The following MYH7B variants were observed in gnomAD, a reference collection of about 807,000 sequenced individuals.
The protein encoded by MYH7B is myosin-7B.
A neutral mutation model predicts 234.5 loss-of-function variants in MYH7B; 205 were observed. The ratio of observed to expected loss-of-function variants is 0.87; its 90% CI spans 0.78 to 0.98. The LOEUF (loss-of-function observed/expected upper bound fraction) is 0.98, where lower values mean the gene tolerates loss of function less well. Among genes scored for constraint, MYH7B ranks in the 50% least tolerant of loss-of-function variants. The pLI, the probability that MYH7B is intolerant of heterozygous loss-of-function variation, is 0.00. For synonymous variants in MYH7B, 1,193 were observed against 1,105.0 expected (o/e 1.08, Z -1.58); for missense variants, 2,652 against 2,633.4 (o/e 1.01, Z -0.15).
intron 19 of MYH7B, 139 bp downstream of exon 19, chr20:34,988,401 T>G (rs1007123995): frequency 4.2e-6 from 4 of 963,752 alleles, no homozygotes; most frequent in East Asian, 5.3e-5. Flanking sequence ...AGCATGCATG[T>G]GAGTGTAGTT....
intron 35 of MYH7B, 59 bp from the exon 36 acceptor site, chr20:34,998,997 C>T (rs1037709992): frequency 8.9e-6 from 14 of 1,579,336 alleles, no homozygotes; most frequent in African/African-American, 1.3e-5. Context: ...GTGAAGGGAG[C>T]TGCTGGGGCT....
intron 2 of MYH7B, among the ~76,000 whole-genome samples, chr20:34,965,855 T>C (rs1463762173): frequency 6.6e-6 from 1 of 152,172 alleles, no homozygotes; most frequent in African/African-American, 2.4e-5. Flanking sequence ...AGAAGGCCAC[T>C]GTATCTGGAG....
exon 40 of MYH7B, chr20:35,000,866 G>A (rs767864995): frequency 9.3e-6 from 15 of 1,613,282 alleles, no homozygotes; most frequent in African/African-American, 1.3e-5. Context: ...GGGAGGCTGA[G>A]GAGAAGGCCA....
At chr20:34,984,645 C>G in intron 10 of MYH7B, 47 bp from the exon 11 acceptor site, 1 of 1,584,046 alleles carries the variant, frequency 6.3e-7, no homozygotes, top group South Asian at 1.1e-5. Context: ...CCCGCCCTTC[C>G]CCACCGGAGG....
chr20:34,967,795 G>A (rs2081756908), intron 2 of MYH7B, among the ~76,000 whole-genome samples: 1 of 152,148 alleles, frequency 6.6e-6, no homozygotes, highest in African/African-American at 2.4e-5. Flanking sequence ...GAACTACATG[G>A]GAAACTGACC....
Position 35,001,414 on chromosome 20 carries a change from C to T in MYH7B, c.5581-17C>T, listed in dbSNP as rs1054142439. 6.3e-7 allele frequency: 1 copy of T among 1,594,556 alleles called. No homozygotes were observed. The highest frequency in any genetic ancestry group is 1.3e-5 in the African/African-American group (1 of 74,636). On this transcript the variant is annotated splice_polypyrimidine_tract_variant and intron_variant, in intron 42 of 44. Coordinates refer to ENST00000262873, the Ensembl canonical transcript of MYH7B. ...GGCCCAGCCCAAGCAAGCCCTGAGT[C>T]CCCCTTGCCCGCCCAGGCCGAGGAG...
chr20:34,995,316 C>G lies in MYH7B; in HGVS notation c.2701-20C>G, dbSNP rs772010667. 9.3e-6 allele frequency: 15 copies of G among 1,607,792 alleles called. 1 individual carries two copies. The highest frequency in any genetic ancestry group is 6.7e-5 in the African/African-American group (5 of 74,848). ...TACCTGGCCCTCCCCCAACCTGGCC[C>G]CGTTCCGTGTGCCCTCCAGGAGCAG... On this transcript the variant is annotated intron_variant, in intron 27 of 44. Coordinates refer to ENST00000262873, the Ensembl canonical transcript of MYH7B.
chr20:34,958,648 G>T (rs546759997), intron 2 of MYH7B, among the ~76,000 whole-genome samples: 1 of 151,956 alleles, frequency 6.6e-6, no homozygotes, highest in East Asian at 1.9e-4. Flanking sequence ...GTATTTTTAG[G>T]AGAGACAGGG....
intron 2 of MYH7B, among the ~76,000 whole-genome samples, chr20:34,971,895 A>G (rs2081796540): frequency 6.6e-6 from 1 of 152,112 alleles, no homozygotes; most frequent in Non-Finnish European, 1.5e-5. Context: ...AGTCCAGCCC[A>G]CTACCCAGTC....
chr20:34,996,646 C>T lies in MYH7B; in HGVS notation c.3154C>T (p.Arg1052Cys), dbSNP rs762810135. 2.1e-5 allele frequency: 34 copies of T among 1,612,820 alleles called. No homozygotes were observed. The Admixed American group carries it at 3.5e-4, about 17-fold the overall frequency. Residue 1052 changes from arginine (R) to cysteine (C), a missense_variant, in exon 30 of 45, where the codon CGC becomes TGC. Coordinates refer to ENST00000262873, the Ensembl canonical transcript of MYH7B. ...CTCCCTGGAGCAGGAGAAGAAGCTG[C>T]GCATGGACACGGAGCGGGCCAAGCG...
intron 10 of MYH7B, among the ~76,000 whole-genome samples, chr20:34,983,417 CCTT>C (rs2081971920): frequency 6.6e-6 from 1 of 151,004 alleles, no homozygotes. Context: ...CCTTTTTCCT[CCTT>C]CCCTTTCCTG....
rs143552755 is a variant in MYH7B at position 34,990,171 on chromosome 20, C to T, written c.1900+25C>T. ...AGTGAGTATGGAGGGACAAGATCTC[C>T]ACTCTGACAGGGGCCCACAGAGCGA... is the stretch of plus-strand genomic sequence containing the variant. On this transcript the variant is annotated intron_variant, in intron 21 of 44. Coordinates refer to ENST00000262873, the Ensembl canonical transcript of MYH7B. 1.4e-4 allele frequency: 222 copies of T among 1,614,132 alleles called. 3 individuals carry two copies. In the African/African-American group the frequency reaches 2.4e-3, roughly 17 times the overall value.
intron 32 of MYH7B, among the ~76,000 whole-genome samples, chr20:34,998,025 A>T (rs2147234857): frequency 6.6e-6 from 1 of 152,138 alleles, no homozygotes; most frequent in Non-Finnish European, 1.5e-5. Context: ...CTGACCTCTG[A>T]CCATTGTCCC....
Position 34,978,573 on chromosome 20 carries a change from G to A in MYH7B, c.91+477G>A, listed in dbSNP as rs912584899. On this transcript the variant is annotated intron_variant, in intron 5 of 44. Coordinates refer to ENST00000262873, the Ensembl canonical transcript of MYH7B. Reference sequence around the variant, plus strand: ...ATACTAACAATAGGCAGTGTGTACCGAATGCTTATTGTGTGTCAGGCCCAG... The same window carrying A: ...ATACTAACAATAGGCAGTGTGTACCAAATGCTTATTGTGTGTCAGGCCCAG... 2.6e-5 allele frequency among the ~76,000 whole-genome samples: 4 copies of A among 152,148 alleles called. No individual in the cohort carries two copies. In the South Asian group the frequency reaches 6.2e-4, roughly 24 times the overall value.
intron 43 of MYH7B, 98 bp downstream of exon 43, chr20:35,001,624 G>C: frequency 9.3e-7 from 1 of 1,079,876 alleles, no homozygotes; most frequent in East Asian, 2.6e-5. Flanking sequence ...CACCCTCCAA[G>C]GTCAGTGACC....
At chr20:34,977,331 G>A (rs1044779440) in intron 3 of MYH7B, among the ~76,000 whole-genome samples, 2 of 151,912 alleles carry the variant, frequency 1.3e-5, no homozygotes. Context: ...CTGGAGGTGG[G>A]GTATTTTTCT....
At chr20:34,991,046 A>G (rs2082136872) in exon 24 of MYH7B, 4 of 1,613,736 alleles carry the variant, frequency 2.5e-6, no homozygotes, top group Admixed American at 1.7e-5. Context: ...CTGCGCTGCA[A>G]TGGGGTCCTG....
At chr20:35,002,282 C>T in exon 45 of MYH7B, 1 of 1,398,382 alleles carries the variant, frequency 7.2e-7, no homozygotes, top group East Asian at 2.4e-5. Flanking sequence ...GCATCGCCCC[C>T]TGCTGCCTTC....
chr20:34,973,948 G>A (rs192747227), intron 2 of MYH7B, among the ~76,000 whole-genome samples: 4 of 141,248 alleles, frequency 2.8e-5, no homozygotes, highest in Admixed American at 7.2e-5. Context: ...TTTTTGAGAC[G>A]GAGTCTTGTT....
Sources: gnomAD v4.1 joint callset for allele counts (sites outside exome capture counted in the v4.1 genomes callset) on GRCh38, gnomAD v4.1.1 for gene constraint, MANE v1.5 for transcripts, NCBI Gene and HGNC (gene_info 2026-07-23, HGNC 2026-07-21) for gene names.